RTL4: variants seen among roughly 807,000 people sequenced by gnomAD.
The protein encoded by RTL4 is retrotransposon Gag like 4, also known as retrotransposon Gag-like protein 4.
Under a neutral mutation model 5.3 loss-of-function variants are expected in RTL4, and 4 were observed. The observed-to-expected ratio is 0.75, with a 90% CI of 0.37 to 1.72. RTL4 has a LOEUF of 1.72. RTL4 is among the 40% of genes most tolerant of loss of function. The probability of loss-of-function intolerance (pLI) is 0.04; values close to 1 mark genes in which losing one functional copy is unlikely to be tolerated. For synonymous variants in RTL4, 98 were observed against 87.3 expected, an observed-to-expected ratio of 1.12 and a Z score of -0.68; for missense variants, 260 against 227.1, an observed-to-expected ratio of 1.14 and a Z score of -0.93.
the RTL4 span, among the ~76,000 whole-genome samples, chrX:112,303,762 ATAAAAAAAAT>A: frequency 9.4e-6 from 1 of 105,887 alleles, no homozygotes; most frequent in East Asian, 2.9e-4. Flanking sequence ...TATAATAATA[ATAAAAAAAAT>A]TAAAAAAAAA....
At chrX:112,112,767 T>C in the RTL4 span, among the ~76,000 whole-genome samples, 1 of 111,726 alleles carries the variant, frequency 9.0e-6, no homozygotes, top group Non-Finnish European at 1.9e-5. Flanking sequence ...ATGAGGGCTA[T>C]CCCTAAACCC....
chrX:112,451,255 G>T (rs1926730047), upstream of RTL4, among the ~76,000 whole-genome samples: 1 of 111,969 alleles, frequency 8.9e-6, no homozygotes, highest in Non-Finnish European at 1.9e-5. Flanking sequence ...GGAGGCCAAA[G>T]TGGGTGAATT....
chrX:112,415,075 T>G, the RTL4 span, among the ~76,000 whole-genome samples: 2,428 of 111,514 alleles, frequency 0.022, 36 homozygotes, highest in East Asian at 0.04. Flanking sequence ...TTAAAACTTT[T>G]TATTGAAATA....
the RTL4 span, among the ~76,000 whole-genome samples, chrX:112,319,458 G>A: frequency 8.9e-6 from 1 of 111,872 alleles, no homozygotes; most frequent in Non-Finnish European, 1.9e-5. Context: ...AAGAGTAACA[G>A]CAAAACTTTA....
chrX:112,225,091 G>A, the RTL4 span, among the ~76,000 whole-genome samples: 1 of 111,807 alleles, frequency 8.9e-6, no homozygotes, highest in Non-Finnish European at 1.9e-5. Context: ...TAAATATCTT[G>A]CCTGAGGTCA....
At chrX:112,284,841 C>T in the RTL4 span, among the ~76,000 whole-genome samples, 1 of 111,488 alleles carries the variant, frequency 9.0e-6, no homozygotes, top group African/African-American at 3.3e-5. Context: ...CCATTCTGAT[C>T]CCAGAGACGC....
At chrX:112,248,328 G>A in the RTL4 span, among the ~76,000 whole-genome samples, 14 of 112,307 alleles carry the variant, frequency 1.2e-4, no homozygotes, top group Non-Finnish European at 9.4e-5. Context: ...AGCAAATAAT[G>A]TGCAGTTTGG....
chrX:112,417,014 T>C, the RTL4 span, among the ~76,000 whole-genome samples: 1 of 111,691 alleles, frequency 9.0e-6, no homozygotes. Context: ...AGGGTACATA[T>C]CAGTGATGGA....
At chrX:112,291,631 C>T in the RTL4 span, among the ~76,000 whole-genome samples, 9 of 109,699 alleles carry the variant, frequency 8.2e-5, no homozygotes. Context: ...GAGTCTTGCT[C>T]TGTCACCCAG....
the RTL4 span, among the ~76,000 whole-genome samples, chrX:112,428,405 C>T: frequency 1.8e-5 from 2 of 111,949 alleles, no homozygotes; most frequent in Non-Finnish European, 3.8e-5. Context: ...AAGATGTCCT[C>T]TTTGACCCAT....
the RTL4 span, among the ~76,000 whole-genome samples, chrX:112,354,668 T>C: frequency 5.4e-5 from 6 of 111,430 alleles, no homozygotes; most frequent in Non-Finnish European, 9.4e-5. Flanking sequence ...ATTAATACAA[T>C]AGCATTTTAC....
At chrX:112,427,796 C>A in the RTL4 span, among the ~76,000 whole-genome samples, 8 of 110,503 alleles carry the variant, frequency 7.2e-5, no homozygotes, top group East Asian at 2.3e-3. Context: ...TCAGTAGTTT[C>A]TGTGGTACAG....
chrX:112,283,566 G>T, the RTL4 span, among the ~76,000 whole-genome samples: 34 of 111,508 alleles, frequency 3.0e-4, no homozygotes, highest in Admixed American at 6.7e-4. Context: ...GAATAGATAA[G>T]AATACGGCTG....
chrX:112,327,137 C>T, the RTL4 span, among the ~76,000 whole-genome samples: 47 of 112,359 alleles, frequency 4.2e-4, no homozygotes, highest in East Asian at 4.2e-3. Context: ...TCACCAGCAA[C>T]GGAACAAAGC....
At chrX:112,312,518 G>C in the RTL4 span, among the ~76,000 whole-genome samples, 2 of 111,428 alleles carry the variant, frequency 1.8e-5, no homozygotes, top group Non-Finnish European at 3.8e-5. Context: ...AAATGACACA[G>C]TAGGTTTAGA....
chrX:112,255,289 T>C, the RTL4 span, among the ~76,000 whole-genome samples: 2 of 112,236 alleles, frequency 1.8e-5, no homozygotes, highest in East Asian at 5.6e-4. Context: ...CTAAGAAATT[T>C]ATGCAGGAAA....
chrX:112,177,053 G>T, the RTL4 span, among the ~76,000 whole-genome samples: 10 of 103,424 alleles, frequency 9.7e-5, no homozygotes, highest in African/African-American at 2.8e-4. Context: ...TATGGTGTTG[G>T]TTTTTTTTTT....
At chrX:112,201,831 C>A in the RTL4 span, among the ~76,000 whole-genome samples, 3 of 111,133 alleles carry the variant, frequency 2.7e-5, no homozygotes, top group Admixed American at 2.9e-4. Context: ...CAGAGATATC[C>A]CAAGTACACT....
chrX:112,284,537 T>A, the RTL4 span, among the ~76,000 whole-genome samples: 2 of 111,508 alleles, frequency 1.8e-5, no homozygotes, highest in Non-Finnish European at 3.8e-5. Context: ...CATGCTAAAT[T>A]TGGGGGCCAG....
Sources: allele counts gnomAD v4.1 joint callset (sites outside exome capture counted in the v4.1 genomes callset), GRCh38; gene constraint gnomAD v4.1.1; transcripts MANE v1.5; gene names NCBI Gene and HGNC (gene_info 2026-07-23, HGNC 2026-07-21).